The following KCNT2 variants were observed in gnomAD, a reference collection of about 807,000 sequenced individuals.
The protein encoded by KCNT2 is potassium channel subfamily T member 2.
Under a neutral mutation model 153.8 loss-of-function variants are expected in KCNT2, and 67 were observed. The ratio of observed to expected loss-of-function variants is 0.44; its 90% CI spans 0.36 to 0.53. KCNT2 has a LOEUF of 0.53. Ranked by LOEUF, KCNT2 falls within the 20% of genes least tolerant of loss-of-function variation. The pLI is 0.00. For synonymous variants in KCNT2, 500 were observed against 458.8 expected, an observed-to-expected ratio of 1.09 and a Z score of -1.15; for missense variants, 975 against 1,354.8, an observed-to-expected ratio of 0.72 and a Z score of 4.40.
chr1:196,236,388 C>A (rs1558053539), intron 26 of KCNT2, among the ~76,000 whole-genome samples: 1 of 151,402 alleles, frequency 6.6e-6, no homozygotes, highest in African/African-American at 2.4e-5. Context: ...AAGATGTTTA[C>A]TTGATTATTA....
In KCNT2 at chr1:196,593,311, T is replaced by TATATATATATACAC. The variant is rs1256165838; in HGVS notation, c.95+14903_95+14904insGTGTATATATATAT. 1.5e-3 allele frequency among the ~76,000 whole-genome samples: 207 copies of TATATATATATACAC among 140,192 alleles called. 1 individual carries two copies. Among genetic ancestry groups the TATATATATATACAC allele is most frequent in the African/African-American group, 5.3e-3 (188 of 35,730 alleles). The allele number at this position is 140,192 out of a possible 152,430, so 92.0% of individuals were successfully genotyped here. Reference sequence around the variant, plus strand: ...CATATATATAATATATATATATATATACACACACACACACACACACACACA... The same window carrying TATATATATATACAC: ...CATATATATAATATATATATATATATATATATATATACACACACACACACACACACACACACACA... On this transcript the variant is annotated intron_variant, in intron 1 of 27. Coordinates refer to ENST00000294725, the MANE Select transcript of KCNT2 (RefSeq NM_198503.5).
At chr1:196,264,397 A>T (rs1282278853) in intron 25 of KCNT2, among the ~76,000 whole-genome samples, 2 of 152,082 alleles carry the variant, frequency 1.3e-5, no homozygotes, top group Non-Finnish European at 2.9e-5. Context: ...CTGAGTTTTC[A>T]TTACTTATTT....
intron 1 of KCNT2, among the ~76,000 whole-genome samples, chr1:196,561,202 C>T (rs1286612209): frequency 6.6e-6 from 1 of 151,182 alleles, no homozygotes; most frequent in East Asian, 2.0e-4. Context: ...TATATCAGGG[C>T]ATCACATTAT....
intron 14 of KCNT2, among the ~76,000 whole-genome samples, chr1:196,366,219 G>C (rs939604288): frequency 1.3e-5 from 2 of 151,574 alleles, no homozygotes; most frequent in African/African-American, 2.4e-5. Flanking sequence ...GAGTGCAATG[G>C]CGCGATCTCA....
Position 196,588,420 on chromosome 1 carries a change from T to C in KCNT2, c.95+19795A>G, listed in dbSNP as rs139703968. 5.9e-3 allele frequency among the ~76,000 whole-genome samples: 903 copies of C among 152,216 alleles called. 6 individuals are homozygous for C. The highest frequency in any genetic ancestry group is 0.021 in the African/African-American group (855 of 41,580). The stretch of plus-strand genomic sequence containing the variant: ...CATTAGCTTCTCCAAGAAGGCAATG[T>C]CAAAGTGTGATTTATTAATCTGTTT... On this transcript the variant is annotated intron_variant, in intron 1 of 27. Transcript: ENST00000294725.
At chr1:196,372,486 A>G (rs1668622042) in intron 14 of KCNT2, among the ~76,000 whole-genome samples, 1 of 151,928 alleles carries the variant, frequency 6.6e-6, no homozygotes, top group Non-Finnish European at 1.5e-5. Context: ...AAGAGCAATG[A>G]CTATGTTCAC....
intron 25 of KCNT2, among the ~76,000 whole-genome samples, chr1:196,263,935 G>T (rs775391284): frequency 2.0e-5 from 3 of 151,764 alleles, no homozygotes; most frequent in Admixed American, 6.6e-5. Flanking sequence ...TGGTTTTACT[G>T]CATTGTGTGT....
intron 24 of KCNT2, 142 bp from the exon 25 acceptor site, chr1:196,281,130 A>G (rs895397492): frequency 1.1e-5 from 7 of 625,224 alleles, no homozygotes; most frequent in Middle Eastern, 4.4e-4. Context: ...CGGTGCAACC[A>G]TGGCTCACTG....
At chr1:196,323,993 C>A (rs1406989824) in intron 19 of KCNT2, among the ~76,000 whole-genome samples, 1 of 149,792 alleles carries the variant, frequency 6.7e-6, no homozygotes, top group Non-Finnish European at 1.5e-5. Context: ...TTGCATAAAA[C>A]TTCCTGGACA....
At chr1:196,539,570 G>A (rs1656061154) in intron 1 of KCNT2, among the ~76,000 whole-genome samples, 2 of 152,018 alleles carry the variant, frequency 1.3e-5, no homozygotes, top group East Asian at 1.9e-4. Context: ...TCAATTTAAT[G>A]GTATACAGTA....
chr1:196,603,695 A>G (rs1177804501), intron 1 of KCNT2, among the ~76,000 whole-genome samples: 1 of 152,126 alleles, frequency 6.6e-6, no homozygotes, highest in Non-Finnish European at 1.5e-5. Flanking sequence ...AAAGGTATGC[A>G]TGATTATTGG....
chr1:196,248,503 C>T (rs1310702352), intron 26 of KCNT2, among the ~76,000 whole-genome samples: 1 of 151,910 alleles, frequency 6.6e-6, no homozygotes, highest in Non-Finnish European at 1.5e-5. Context: ...CTTTTAGAGG[C>T]TACACTACTA....
intron 1 of KCNT2, among the ~76,000 whole-genome samples, chr1:196,512,098 G>A (rs552911838): frequency 2.0e-4 from 30 of 152,066 alleles, no homozygotes; most frequent in Admixed American, 3.3e-4. Context: ...AGTGCTCATC[G>A]TACTTATTCT....
At chr1:196,246,666 CTTGT>C (rs1034808337) in intron 26 of KCNT2, among the ~76,000 whole-genome samples, 6 of 152,032 alleles carry the variant, frequency 3.9e-5, no homozygotes, top group Non-Finnish European at 5.9e-5. Flanking sequence ...TTTCTCTTTA[CTTGT>C]TTGTTTGTTT....
At position 196,287,985 on chromosome 1, in the gene KCNT2, T is replaced by C. The variant is rs1197058409; in HGVS notation, c.2596-2227A>G. ...ATACTTAGGAAGGGCACCTAGCTTATTCTTTTAGTAGAAAAGCCAGAGAGC... is the reference window on the plus strand; with the variant it reads ...ATACTTAGGAAGGGCACCTAGCTTACTCTTTTAGTAGAAAAGCCAGAGAGC... On this transcript the variant is annotated intron_variant, in intron 22 of 27. Transcript: ENST00000294725. 2.6e-5 allele frequency among the ~76,000 whole-genome samples: 4 copies of C among 152,220 alleles called. No individual in the cohort carries two copies. In the East Asian group the frequency reaches 7.7e-4, roughly 29 times the overall value.
chr1:196,333,298 T>A (rs937374719), intron 17 of KCNT2, among the ~76,000 whole-genome samples: 1 of 152,030 alleles, frequency 6.6e-6, no homozygotes, highest in Non-Finnish European at 1.5e-5. Flanking sequence ...ATTAATACTA[T>A]ATAGATTGGC....
Position 196,381,594 on chromosome 1 carries a change from T to A in KCNT2, c.1295-8346A>T, listed in dbSNP as rs984975085. On this transcript the variant is annotated intron_variant, in intron 13 of 27. Coordinates refer to ENST00000294725, the MANE Select transcript of KCNT2 (RefSeq NM_198503.5). ...AATTTATTACTTATTAAATTCAAAC[T>A]ATCTACAAAGGACTCTACAAAAGCT... 3.3e-5 allele frequency among the ~76,000 whole-genome samples: 5 copies of A among 152,290 alleles called. No individual in the cohort carries two copies. In the South Asian group the frequency reaches 1.0e-3, roughly 32 times the overall value.
intron 1 of KCNT2, among the ~76,000 whole-genome samples, chr1:196,529,198 G>A (rs879414514): frequency 1.3e-5 from 2 of 152,064 alleles, no homozygotes; most frequent in Admixed American, 6.6e-5. Context: ...CGAAATGTGT[G>A]TCTCTTGTTG....
In KCNT2 at chr1:196,288,130, A is replaced by G. The variant is rs1469661888; in HGVS notation, c.2596-2372T>C. 6.4e-5 allele frequency among the ~76,000 whole-genome samples: 9 copies of G among 140,576 alleles called. No homozygotes were observed. In the East Asian group the frequency reaches 1.7e-3, roughly 27 times the overall value. 92.2% of individuals were successfully genotyped at this position (140,576 alleles called of 152,430 possible). ...CATGTTCTCTAGTGGAAGTAAAAAA[A>G]AATAAATAAATAAAAAATAAAAAAA... On this transcript the variant is annotated intron_variant, in intron 22 of 27. Transcript: ENST00000294725.
Sources: gnomAD v4.1 joint callset for allele counts (sites outside exome capture counted in the v4.1 genomes callset) on GRCh38, gnomAD v4.1.1 for gene constraint, MANE v1.5 for transcripts, NCBI Gene and HGNC (gene_info 2026-07-23, HGNC 2026-07-21) for gene names.